Variants in DIAPH2 observed in about 807,000 individuals in gnomAD.
DIAPH2 encodes diaphanous related formin 2, also known as protein diaphanous homolog 2.
DIAPH2 carries 35 observed loss-of-function variants against 92.7 expected under a neutral mutation model. That is an observed-to-expected ratio of 0.38 (90% CI 0.29 to 0.50). The LOEUF is 0.50. Ranked by LOEUF, DIAPH2 falls within the 20% of genes least tolerant of loss-of-function variation. DIAPH2 has a pLI of 0.94. For synonymous variants in DIAPH2, 301 were observed against 280.4 expected, an observed-to-expected ratio of 1.07 and a Z score of -0.73; for missense variants, 701 against 819.5, an observed-to-expected ratio of 0.86 and a Z score of 1.77.
At chrX:97,312,506 C>A (rs764287019) in intron 23 of DIAPH2, among the ~76,000 whole-genome samples, 1 of 108,442 alleles carries the variant, frequency 9.2e-6, no homozygotes, top group Non-Finnish European at 1.9e-5. Flanking sequence ...CCTGCCACCA[C>A]GCCCGGCTAA....
intron 25 of DIAPH2, among the ~76,000 whole-genome samples, chrX:97,410,184 C>A (rs750569636): frequency 4.2e-4 from 47 of 111,900 alleles, no homozygotes; most frequent in African/African-American, 1.5e-3. Context: ...AAGGATCAGG[C>A]AGCAATATTT....
chrX:97,373,603 C>CTT (rs769067046), intron 24 of DIAPH2, among the ~76,000 whole-genome samples: 4,600 of 71,509 alleles, frequency 0.064, 383 homozygotes, highest in Non-Finnish European at 0.1. Flanking sequence ...AAGGGAGATA[C>CTT]TTTTTTTTTT....
chrX:96,826,369 A>T (rs1045844406), intron 4 of DIAPH2, among the ~76,000 whole-genome samples: 5 of 110,338 alleles, frequency 4.5e-5, no homozygotes, highest in Admixed American at 9.7e-5. Flanking sequence ...GTGATCTGAG[A>T]TCACGCCACT....
At position 96,726,108 on chromosome X, in the gene DIAPH2, C is replaced by T. The variant is rs192972838; in HGVS notation, c.133-9650C>T. On this transcript the variant is annotated intron_variant, in intron 1 of 26. Coordinates refer to ENST00000324765, the MANE Select transcript of DIAPH2 (RefSeq NM_006729.5). ...AATCATATGTCTGGGTACATTGCTTCAATAACAAGCGTTATTTTAAACAAA... is the reference window on the plus strand; with the variant it reads ...AATCATATGTCTGGGTACATTGCTTTAATAACAAGCGTTATTTTAAACAAA... Among the ~76,000 whole-genome samples the T allele has an allele frequency of 5.4e-5, 6 of 111,987 alleles. No individual in the cohort carries two copies. The East Asian group carries it at 1.7e-3, about 31-fold the overall frequency.
chrX:97,324,178 G>T (rs948337485), intron 23 of DIAPH2, among the ~76,000 whole-genome samples: 1 of 111,625 alleles, frequency 9.0e-6, no homozygotes, highest in African/African-American at 3.3e-5. Context: ...TGTGGTTCTG[G>T]CAAGGCTTCC....
intron 26 of DIAPH2, among the ~76,000 whole-genome samples, chrX:97,475,312 G>A (rs1220011308): frequency 8.9e-6 from 1 of 112,201 alleles, no homozygotes; most frequent in African/African-American, 3.2e-5. Flanking sequence ...TTTCCTATGC[G>A]GTTGTCGATG....
At chrX:96,748,305 A>T (rs2147582779) in intron 3 of DIAPH2, among the ~76,000 whole-genome samples, 1 of 111,878 alleles carries the variant, frequency 8.9e-6, no homozygotes, top group South Asian at 3.8e-4. Flanking sequence ...AGATGAATGC[A>T]ACACCTCCCT....
intron 26 of DIAPH2, among the ~76,000 whole-genome samples, chrX:97,497,626 T>A (rs1042696355): frequency 2.1e-4 from 23 of 110,505 alleles, no homozygotes; most frequent in Admixed American, 3.9e-4. Flanking sequence ...GCCAACATGA[T>A]GAAACCCCAT....
chrX:97,365,564 C>G (rs1245839319), intron 24 of DIAPH2, among the ~76,000 whole-genome samples: 2 of 111,308 alleles, frequency 1.8e-5, no homozygotes, highest in African/African-American at 3.3e-5. Context: ...TTTCAACTTT[C>G]AAAACTCCAT....
intron 4 of DIAPH2, among the ~76,000 whole-genome samples, chrX:96,818,676 T>C: frequency 8.9e-6 from 1 of 112,381 alleles, no homozygotes; most frequent in Non-Finnish European, 1.9e-5. Context: ...CATATTGGGA[T>C]CCGTTTTGTC....
In DIAPH2 at chrX:97,417,222, T is replaced by G. The variant is rs189042833; in HGVS notation, c.3146-12428T>G. ...TATTAACAGTTATACATGCCCTTTT[T>G]CAAACTACTTTTGCTTTTTTAAAAA... On this transcript the variant is annotated intron_variant, in intron 25 of 26. Transcript: ENST00000324765. Among the ~76,000 whole-genome samples, 534 of 111,659 alleles carry G rather than the reference T, an allele frequency of 4.8e-3. 5 individuals carry two copies. The highest frequency in any genetic ancestry group is 0.017 in the African/African-American group (510 of 30,732).
rs770564686 is a variant in DIAPH2, at chrX:97,154,732, A to ATTGTTCAT, written c.2719+12943_2719+12950dup. ...TCGTATGAGGAACTGCGGCTGCTAA[A>ATTGTTCAT]TTGTTCATTTGTATCCCTTGGTTTA... On this transcript the variant is annotated intron_variant, in intron 22 of 26. Transcript: ENST00000324765. 3.5e-3 allele frequency among the ~76,000 whole-genome samples: 392 copies of ATTGTTCAT among 111,984 alleles called. 3 individuals are homozygous for ATTGTTCAT. Among genetic ancestry groups the ATTGTTCAT allele is most frequent in the African/African-American group, 0.012 (385 of 30,850 alleles).
chrX:96,692,802 G>A lies in DIAPH2; in HGVS notation c.132+7612G>A, dbSNP rs763401367. Among the ~76,000 whole-genome samples, 81 of 111,931 alleles carry A rather than the reference G, an allele frequency of 7.2e-4. 1 individual carries two copies. Among genetic ancestry groups the A allele is most frequent in the Non-Finnish European group, 1.1e-3 (59 of 53,200 alleles). ...TATTCTTCATTTCTCTAGATAAAGCGTTCATATGACTCTTTGACATTCACA... is the reference window on the plus strand; with the variant it reads ...TATTCTTCATTTCTCTAGATAAAGCATTCATATGACTCTTTGACATTCACA... On this transcript the variant is annotated intron_variant, in intron 1 of 26. Coordinates refer to ENST00000324765, the MANE Select transcript of DIAPH2 (RefSeq NM_006729.5).
chrX:97,211,875 A>G (rs1386460375), intron 22 of DIAPH2, among the ~76,000 whole-genome samples: 1 of 111,876 alleles, frequency 8.9e-6, no homozygotes, highest in Non-Finnish European at 1.9e-5. Flanking sequence ...TTTGCTACCT[A>G]ATCAAATTTG....
At chrX:96,826,150 C>G (rs775642713) in intron 4 of DIAPH2, among the ~76,000 whole-genome samples, 1 of 111,222 alleles carries the variant, frequency 9.0e-6, no homozygotes, top group Non-Finnish European at 1.9e-5. Context: ...GGTGTGGTGG[C>G]TCACGCCTGT....
intron 17 of DIAPH2, among the ~76,000 whole-genome samples, chrX:97,059,083 G>A (rs1268406189): frequency 9.0e-6 from 1 of 111,524 alleles, no homozygotes; most frequent in Non-Finnish European, 1.9e-5. Context: ...ATATTTTACA[G>A]TCATTCAGGA....
chrX:96,956,268 G>A (rs2065809777), intron 15 of DIAPH2, among the ~76,000 whole-genome samples: 2 of 112,574 alleles, frequency 1.8e-5, no homozygotes, highest in South Asian at 7.3e-4. Flanking sequence ...TGGCTGAAGT[G>A]GCTAGGATGC....
intron 17 of DIAPH2, among the ~76,000 whole-genome samples, chrX:96,977,496 C>T (rs1472020454): frequency 9.0e-6 from 1 of 111,160 alleles, no homozygotes; most frequent in Non-Finnish European, 1.9e-5. Flanking sequence ...CATAACATTA[C>T]AGACACCTTG....
At chrX:96,754,843 G>C (rs5949995) in intron 3 of DIAPH2, among the ~76,000 whole-genome samples, 5,701 of 94,671 alleles carry the variant, frequency 0.06, 201 homozygotes, top group Middle Eastern at 0.19. Context: ...AGAATCGCTT[G>C]AACTTGGGAA....
Sources: allele counts gnomAD v4.1 joint callset (sites outside exome capture counted in the v4.1 genomes callset), GRCh38; gene constraint gnomAD v4.1.1; transcripts MANE v1.5; gene names NCBI Gene and HGNC (gene_info 2026-07-23, HGNC 2026-07-21).